RMND5A: variants seen among roughly 807,000 people sequenced by gnomAD.
RMND5A encodes the protein E3 ubiquitin-protein transferase RMND5A.
RMND5A carries 17 observed loss-of-function variants against 49.7 expected under a neutral mutation model. That is an observed-to-expected ratio of 0.34 (90% CI 0.23 to 0.51). The LOEUF (loss-of-function observed/expected upper bound fraction) is 0.51, where lower values mean the gene tolerates loss of function less well. RMND5A is among the 20% of genes least tolerant of loss of function. The pLI, the probability that RMND5A is intolerant of heterozygous loss-of-function variation, is 0.96. For synonymous variants in RMND5A, 156 were observed against 167.7 expected (o/e 0.93, Z 0.54); for missense variants, 255 against 471.3 (o/e 0.54, Z 4.25).
chr2:86,752,865 AT>A (rs1409897862), intron 3 of RMND5A, among the ~76,000 whole-genome samples: 3 of 152,204 alleles, frequency 2.0e-5, no homozygotes, highest in Non-Finnish European at 2.9e-5. Flanking sequence ...ATTCAGATAA[AT>A]GATAACTCGG....
chr2:86,751,857 T>G (rs1681639287), intron 2 of RMND5A, 39 bp from the exon 3 acceptor site: 9 of 1,588,184 alleles, frequency 5.7e-6, no homozygotes, highest in Non-Finnish European at 7.7e-6. Context: ...GGGGTGAAAA[T>G]AATCTATTTA....
chr2:86,772,013 T>C (rs1672692825), intron 8 of RMND5A, among the ~76,000 whole-genome samples: 1 of 152,246 alleles, frequency 6.6e-6, no homozygotes, highest in African/African-American at 2.4e-5. Flanking sequence ...CTGTTTTCAC[T>C]TAGTGATGTA....
intron 7 of RMND5A, among the ~76,000 whole-genome samples, chr2:86,770,371 T>TG (rs1407263852): frequency 6.6e-6 from 1 of 152,050 alleles, no homozygotes; most frequent in East Asian, 1.9e-4. Flanking sequence ...ACATCAGAAG[T>TG]GGGGAGGGCT....
intron 8 of RMND5A, among the ~76,000 whole-genome samples, chr2:86,772,205 T>C (rs1367459581): frequency 3.3e-5 from 5 of 152,168 alleles, no homozygotes; most frequent in Admixed American, 2.6e-4. Context: ...ATCCCAGCAC[T>C]GTGGGAGGCC....
rs114521647 is a variant in RMND5A, at chr2:86,771,135, C to T, written c.958-423C>T. Reference sequence around the variant, plus strand: ...ACAAGTAGCACTCCTGCTCTACTGCCGCTAACTTGAACAAGTGAAAAGAAC... The same window carrying T: ...ACAAGTAGCACTCCTGCTCTACTGCTGCTAACTTGAACAAGTGAAAAGAAC... On this transcript the variant is annotated intron_variant, in intron 7 of 8. Transcript: ENST00000283632. Among the ~76,000 whole-genome samples the T allele has an allele frequency of 5.9e-3, 893 of 152,278 alleles. 4 individuals carry two copies. Among genetic ancestry groups the T allele is most frequent in the Non-Finnish European group, 9.8e-3 (667 of 68,010 alleles).
intron 2 of RMND5A, 45 bp from the exon 3 acceptor site, chr2:86,751,851 T>A (rs1226465413): frequency 6.3e-7 from 1 of 1,580,574 alleles, no homozygotes; most frequent in Non-Finnish European, 8.6e-7. Context: ...TTAAGTGGGG[T>A]GAAAATAATC....
chr2:86,753,422 T>C (rs955666625), intron 3 of RMND5A, 36 bp from the exon 4 acceptor site: 1 of 1,293,686 alleles, frequency 7.7e-7, no homozygotes. Flanking sequence ...CCCTGATTAC[T>C]GCTAACAAAA....
chr2:86,765,772 C>A, intron 5 of RMND5A, 87 bp from the exon 6 acceptor site: 1 of 1,123,110 alleles, frequency 8.9e-7, no homozygotes, highest in Non-Finnish European at 1.3e-6. Flanking sequence ...TTATTTTAGG[C>A]TGTATCAGTA....
In RMND5A at chr2:86,720,779, G is replaced by C. The variant is rs1343628785; in HGVS notation, c.112G>C (p.Gly38Arg). 6.3e-7 allele frequency: 1 copy of C among 1,595,476 alleles called. No individual in the cohort carries two copies. The highest frequency in any genetic ancestry group is 8.5e-7 in the Non-Finnish European group (1 of 1,171,918). Residue 38 changes from glycine (G) to arginine (R), a missense_variant, in exon 1 of 9, where the codon GGC (glycine) becomes CGC (arginine). This residue lies in a region of RMND5A where 42 missense variants were observed against 59.9 expected (regional missense o/e 0.70). Transcript: ENST00000283632. ...GLEELIDYTG[G>R]LKHEILQSHG... The stretch of plus-strand genomic sequence containing the variant: ...GGAGGAGCTCATCGACTACACCGGC[G>C]GCCTCAAGCACGAGATCCTGCAGAG...
chr2:86,762,345 A>G (rs141122184), intron 4 of RMND5A, among the ~76,000 whole-genome samples: 14 of 152,284 alleles, frequency 9.2e-5, no homozygotes, highest in African/African-American at 3.4e-4. Context: ...ATTACTTTAA[A>G]AAATGTATCA....
At chr2:86,743,010 GCCATGTATGT>G (rs1558720369) in intron 2 of RMND5A, among the ~76,000 whole-genome samples, 2 of 152,140 alleles carry the variant, frequency 1.3e-5, no homozygotes, top group African/African-American at 4.8e-5. Context: ...GACCATATAT[GCCATGTATGT>G]CCCTGTTTCC....
At chr2:86,743,800 A>G (rs745476181) in intron 2 of RMND5A, among the ~76,000 whole-genome samples, 3 of 152,008 alleles carry the variant, frequency 2.0e-5, no homozygotes, top group South Asian at 2.1e-4. Flanking sequence ...AGCTTGGCCA[A>G]TATGGCAAAC....
Position 86,775,015 on chromosome 2 carries a change from A to ATGGCTACTCCGTGCTGTGCGGCTTC in RMND5A, c.*1605_*1629dup, listed in dbSNP as rs1174027637. On this transcript the variant is annotated 3_prime_UTR_variant, in exon 9 of 9. Coordinates refer to ENST00000283632, the MANE Select transcript of RMND5A (RefSeq NM_022780.4). ...GTACCATGTGGCCAGGCCTATGTGG[A>ATGGCTACTCCGTGCTGTGCGGCTTC]TGGCTACTCCGTGCTGTGCGGCTTC... The ATGGCTACTCCGTGCTGTGCGGCTTC allele has an allele frequency of 9.2e-5, 14 of 152,642 alleles. No individual in the cohort carries two copies. The highest frequency in any genetic ancestry group is 4.6e-4 in the Admixed American group (7 of 15,276). 9.5% of individuals were successfully genotyped at this position (152,642 alleles called of 1,614,324 possible). A position where few individuals can be genotyped will look rare whatever the true frequency, so the allele number is the denominator to read the frequency against.
chr2:86,766,317 TG>T (rs1478970829), intron 6 of RMND5A, among the ~76,000 whole-genome samples: 4 of 152,108 alleles, frequency 2.6e-5, no homozygotes, highest in African/African-American at 7.2e-5. Flanking sequence ...TAGCACAAGT[TG>T]GGGCGGTGGT....
At chr2:86,753,747 G>T (rs1369180525) in intron 4 of RMND5A, among the ~76,000 whole-genome samples, 189 bp downstream of exon 4, 1 of 152,172 alleles carries the variant, frequency 6.6e-6, no homozygotes, top group Non-Finnish European at 1.5e-5. Flanking sequence ...TGAGAAAATG[G>T]TTGGAGCTTA....
At chr2:86,743,597 G>A (rs914605995) in intron 2 of RMND5A, among the ~76,000 whole-genome samples, 31 of 151,774 alleles carry the variant, frequency 2.0e-4, no homozygotes, top group African/African-American at 7.0e-4. Context: ...CCTGAGTAGT[G>A]CCCAGCCCAA....
At chr2:86,745,452 A>C (rs1017272119) in intron 2 of RMND5A, among the ~76,000 whole-genome samples, 24 of 152,224 alleles carry the variant, frequency 1.6e-4, no homozygotes, top group African/African-American at 5.3e-4. Flanking sequence ...CAGTGAGATG[A>C]GATTTTTCCT....
intron 7 of RMND5A, among the ~76,000 whole-genome samples, chr2:86,771,129 T>TA (rs70958906): frequency 0.033 from 5,090 of 152,320 alleles, 134 homozygotes; most frequent in Non-Finnish European, 0.045. Context: ...ACTCCTGCTC[T>TA]ACTGCCGCTA....
At chr2:86,751,534 T>G (rs1168510021) in intron 2 of RMND5A, among the ~76,000 whole-genome samples, 1 of 152,230 alleles carries the variant, frequency 6.6e-6, no homozygotes, top group Non-Finnish European at 1.5e-5. Flanking sequence ...TTCTCCTTTT[T>G]TCCCCTCCCA....
Sources: allele counts gnomAD v4.1 joint callset (sites outside exome capture counted in the v4.1 genomes callset), GRCh38; gene constraint gnomAD v4.1.1; regional missense constraint gnomAD v4.1.1; transcripts MANE v1.5; gene names NCBI Gene and HGNC (gene_info 2026-07-23, HGNC 2026-07-21).